ZNF765: variants seen among roughly 807,000 people sequenced by gnomAD.
ZNF765 encodes zinc finger protein 765.
In ZNF765, 37 loss-of-function variants were observed where a neutral mutation model predicts 44.7. That is an observed-to-expected ratio of 0.83 (90% CI 0.64 to 1.09). ZNF765 has a LOEUF of 1.09. ZNF765 is among the 50% of genes least tolerant of loss of function. The pLI is 0.00. For synonymous variants in ZNF765, 201 were observed against 213.7 expected (o/e 0.94, Z 0.52); for missense variants, 594 against 626.1 (o/e 0.95, Z 0.55).
intron 1 of ZNF765, 45 bp from the exon 2 acceptor site, chr19:53,397,898 G>A (rs1027175792): frequency 4.2e-5 from 62 of 1,485,182 alleles, no homozygotes; most frequent in Non-Finnish European, 5.3e-5. Flanking sequence ...ACAGGGAGGG[G>A]ATATGTTGAT....
rs1288010602 is a variant in ZNF765 at position 53,409,570 on chromosome 19, C to A, written c.*443C>A. 16 of 1,391,930 alleles carry A rather than the reference C, an allele frequency of 1.1e-5. No individual in the cohort carries two copies. The highest frequency in any genetic ancestry group is 1.5e-5 in the Non-Finnish European group (15 of 984,490). 86.2% of individuals were successfully genotyped at this position (1,391,930 alleles called of 1,614,324 possible). The stretch of plus-strand genomic sequence containing the variant: ...AGAATTTGAGTTTTCCATTTCAAAT[C>A]AAACCTTGAAAGACAAAGGAGAATT... On this transcript the variant is annotated 3_prime_UTR_variant, in exon 4 of 4. Coordinates refer to ENST00000396408, the MANE Select transcript of ZNF765 (RefSeq NM_001040185.3).
intron 1 of ZNF765, among the ~76,000 whole-genome samples, chr19:53,396,618 T>G (rs2085673321): frequency 6.6e-6 from 1 of 151,906 alleles, no homozygotes; most frequent in Non-Finnish European, 1.5e-5. Flanking sequence ...TAAAGTGGGG[T>G]TTTCTGGAGC....
chr19:53,424,188 G>C (rs952887332), exon 4 of ZNF765: 1 of 151,554 alleles, frequency 6.6e-6, no homozygotes, highest in African/African-American at 2.4e-5. Flanking sequence ...GGTGGCTCAC[G>C]CCTGTAATCC....
chr19:53,398,158 C>T, intron 2 of ZNF765, 128 bp downstream of exon 2: 1 of 1,520,148 alleles, frequency 6.6e-7, no homozygotes, highest in Middle Eastern at 1.7e-4. Flanking sequence ...CCCATGCCTT[C>T]CTTCATTCCC....
chr19:53,420,720 GGGCTGTGCA>G (rs2085901915), intron 3 of ZNF765, among the ~76,000 whole-genome samples: 1 of 152,168 alleles, frequency 6.6e-6, no homozygotes, highest in African/African-American at 2.4e-5. Flanking sequence ...AATGGATTTA[GGGCTGTGCA>G]GGCTGTGCTT....
At chr19:53,395,827 AC>A (rs1016145224) in intron 1 of ZNF765, among the ~76,000 whole-genome samples, 4 of 151,874 alleles carry the variant, frequency 2.6e-5, no homozygotes, top group African/African-American at 9.7e-5. Context: ...TTTGCTCCAA[AC>A]CCTCCTGTGT....
chr19:53,421,578 G>A (rs546947122), intron 3 of ZNF765, among the ~76,000 whole-genome samples: 1 of 152,152 alleles, frequency 6.6e-6, no homozygotes, highest in South Asian at 2.1e-4. Flanking sequence ...GCAGTGGCAC[G>A]ATCCCGGTTC....
rs2085827230 is a variant in ZNF765 at position 53,410,856 on chromosome 19, G to A, written c.*1729G>A. On this transcript the variant is annotated 3_prime_UTR_variant, in exon 4 of 4. Transcript: ENST00000396408. ...GAAACCTCACAAGTGTGATGATTGC[G>A]GCAAAGCCTTTAATTCACATTCACA... 2 of 472,976 alleles carry A rather than the reference G, an allele frequency of 4.2e-6. No homozygotes were observed. The highest frequency in any genetic ancestry group is 1.6e-5 in the South Asian group (1 of 63,698). The allele number at this position is 472,976 out of a possible 1,614,324, so 29.3% of individuals were successfully genotyped here.
downstream of ZNF765, among the ~76,000 whole-genome samples, chr19:53,413,600 G>GTT (rs61360964): frequency 2.2e-4 from 31 of 138,808 alleles, no homozygotes; most frequent in South Asian, 6.8e-4. Flanking sequence ...TGCTTTTTAG[G>GTT]TTTTTTTTTT....
downstream of ZNF765, among the ~76,000 whole-genome samples, chr19:53,414,190 G>A (rs139557794): frequency 5.6e-3 from 785 of 140,554 alleles, 6 homozygotes; most frequent in Non-Finnish European, 8.5e-3. Flanking sequence ...GCAGTGAGCC[G>A]AGATCGCGCT....
intron 2 of ZNF765, among the ~76,000 whole-genome samples, chr19:53,399,411 AC>A (rs1432773915): frequency 6.6e-6 from 1 of 151,954 alleles, no homozygotes; most frequent in East Asian, 1.9e-4. Context: ...CTGGGGAGTC[AC>A]CACTGTCAGT....
At chr19:53,414,237 T>G (rs2085855310), downstream of ZNF765, among the ~76,000 whole-genome samples, 1 of 7,082 alleles carries the variant, frequency 1.4e-4, no homozygotes, top group African/African-American at 2.7e-4. Context: ...TGAGACTCCA[T>G]CTCAAAAAAA....
chr19:53,397,344 C>G (rs557958731), intron 1 of ZNF765, among the ~76,000 whole-genome samples: 1 of 152,310 alleles, frequency 6.6e-6, no homozygotes, highest in South Asian at 2.1e-4. Context: ...GTGATGATTC[C>G]AAGTACTGCT....
intron 2 of ZNF765, among the ~76,000 whole-genome samples, chr19:53,400,669 C>G (rs1449996905): frequency 6.6e-6 from 1 of 150,930 alleles, no homozygotes; most frequent in East Asian, 2.0e-4. Context: ...ATATTTTGAA[C>G]AACTTTTCCA....
intron 2 of ZNF765, among the ~76,000 whole-genome samples, chr19:53,399,505 G>GA (rs965522917): frequency 1.7e-4 from 25 of 149,164 alleles, no homozygotes; most frequent in East Asian, 1.4e-3. Context: ...TCAATAAATT[G>GA]AAAAAAAAAT....
chr19:53,408,460 A>G lies in ZNF765; in HGVS notation c.905A>G (p.Glu302Gly). The stretch of plus-strand genomic sequence containing the variant: ...ACTGGAGAGAAACCTTACAAATGTG[A>G]AGAATGTGACAAAGCTTTCCATTTC... ...LHTGEKPYKC[E>G]ECDKAFHFKS... Residue 302 changes from glutamate (E) to glycine (G), a missense_variant, in exon 4 of 4, where the codon GAA becomes GGA. By Grantham distance (98) the Glu-to-Gly change is moderately conservative (BLOSUM62 -2). Coordinates refer to ENST00000396408, the MANE Select transcript of ZNF765 (RefSeq NM_001040185.3). 2 of 1,613,914 alleles carry G rather than the reference A, an allele frequency of 1.2e-6. No individual in the cohort carries two copies. Among genetic ancestry groups the G allele is most frequent in the Non-Finnish European group, 1.7e-6 (2 of 1,179,802 alleles).
downstream of ZNF765, among the ~76,000 whole-genome samples, chr19:53,415,991 G>C (rs1166111746): frequency 6.6e-6 from 1 of 151,774 alleles, no homozygotes; most frequent in African/African-American, 2.4e-5. Context: ...GTCTGGCTCT[G>C]TCAACCAGGC....
chr19:53,418,639 G>A (rs892332127), intron 3 of ZNF765, among the ~76,000 whole-genome samples: 8 of 152,194 alleles, frequency 5.3e-5, no homozygotes, highest in South Asian at 4.1e-4. Flanking sequence ...GCTCATGCCC[G>A]TAATCCTAAC....
At position 53,408,376 on chromosome 19, in the gene ZNF765, AT is replaced by A. The variant is rs2085797807; in HGVS notation, c.822del (p.Asn274LysfsTer13). ...ACTGGTGAGAAACCTTACAAGTGTA[AT>A]GAGTGTGGCAAGACCTTCAGTCAGA... Reference protein sequence around the residue: ...CHTGEKPYKCNECGKTFSQTY... With the variant: ...CHTGEKPYKCXECGKTFSQTY... On this transcript the variant is annotated frameshift_variant, in exon 4 of 4. Transcript: ENST00000396408. LOFTEE classifies it high-confidence loss of function. The A allele has an allele frequency of 3.1e-6, 5 of 1,614,216 alleles. No homozygotes were observed. Among genetic ancestry groups the A allele is most frequent in the Non-Finnish European group, 4.2e-6 (5 of 1,180,016 alleles).
Sources: allele counts gnomAD v4.1 joint callset (sites outside exome capture counted in the v4.1 genomes callset), GRCh38; gene constraint gnomAD v4.1.1; transcripts MANE v1.5; gene names NCBI Gene and HGNC (gene_info 2026-07-23, HGNC 2026-07-21).